The following GSE1 variants were observed in gnomAD, a reference collection of about 807,000 sequenced individuals.
GSE1 encodes genetic suppressor element 1.
A neutral mutation model predicts 112.6 loss-of-function variants in GSE1; 32 were observed. The observed-to-expected ratio is 0.28, with a 90% confidence interval of 0.21 to 0.38. The LOEUF (loss-of-function observed/expected upper bound fraction) is 0.38, where lower values mean the gene tolerates loss of function less well. Ranked by LOEUF, GSE1 falls within the 10% of genes least tolerant of loss-of-function variation. GSE1 has a pLI of 1.00. For missense variants in GSE1, 2,348 were observed against 1,699.2 expected (o/e 1.38, Z -6.71); for synonymous variants, 1,115 against 735.6 (o/e 1.52, Z -8.35).
chr16:85,382,139 C>T (rs1300896814), intron 2 of GSE1, among the ~76,000 whole-genome samples: 2 of 152,234 alleles, frequency 1.3e-5, no homozygotes, highest in African/African-American at 4.8e-5. Flanking sequence ...CACCCCCACG[C>T]AATGTGGTTA....
upstream of GSE1, among the ~76,000 whole-genome samples, chr16:85,553,387 G>A (rs2045030987): frequency 6.6e-6 from 1 of 151,662 alleles, no homozygotes; most frequent in Admixed American, 6.6e-5. Flanking sequence ...CGGCGCCGAG[G>A]GCCTGGCGCG....
intron 2 of GSE1, among the ~76,000 whole-genome samples, chr16:85,643,637 A>T (rs879525587): frequency 6.6e-6 from 1 of 152,208 alleles, no homozygotes; most frequent in Non-Finnish European, 1.5e-5. Context: ...GTCTGGAGCC[A>T]GGCAGCTCCA....
chr16:85,383,475 G>C (rs1274141736), intron 2 of GSE1, among the ~76,000 whole-genome samples: 1 of 147,848 alleles, frequency 6.8e-6, no homozygotes. Flanking sequence ...TCACACATTT[G>C]AACATACACG....
chr16:85,440,387 G>C (rs1178293452), intron 2 of GSE1, among the ~76,000 whole-genome samples: 1 of 152,248 alleles, frequency 6.6e-6, no homozygotes, highest in African/African-American at 2.4e-5. Context: ...GAGATAGCCA[G>C]CTGCTGGACT....
chr16:85,555,796 TG>T, upstream of GSE1: 1 of 973,326 alleles, frequency 1.0e-6, no homozygotes, highest in Non-Finnish European at 1.2e-6. Context: ...TCGCACGTCC[TG>T]GGGGCTGTTT....
At chr16:85,567,990 G>A (rs1445886364) in intron 1 of GSE1, among the ~76,000 whole-genome samples, 1 of 152,158 alleles carries the variant, frequency 6.6e-6, no homozygotes, top group Non-Finnish European at 1.5e-5. Context: ...TCCCAGTGGT[G>A]TTAGGATTAC....
intron 1 of GSE1, among the ~76,000 whole-genome samples, chr16:85,258,941 G>A (rs1374176125): frequency 6.6e-6 from 1 of 152,188 alleles, no homozygotes; most frequent in Non-Finnish European, 1.5e-5. Flanking sequence ...AGCTGTCAGG[G>A]GCCCACTGCT....
chr16:85,382,936 A>AC (rs2047587159), intron 2 of GSE1, among the ~76,000 whole-genome samples: 1 of 151,140 alleles, frequency 6.6e-6, no homozygotes, highest in Non-Finnish European at 1.5e-5. Flanking sequence ...ACGCGCACAC[A>AC]ACACGTACAC....
At chr16:85,556,068 G>A (rs1288799561) in exon 1 of GSE1, 7 of 984,906 alleles carry the variant, frequency 7.1e-6, no homozygotes, top group Non-Finnish European at 8.4e-6. Flanking sequence ...CCTCATTGTG[G>A]ATCTGCCAGG....
At chr16:85,289,260 G>A (rs901648815) in intron 1 of GSE1, among the ~76,000 whole-genome samples, 4 of 152,068 alleles carry the variant, frequency 2.6e-5, no homozygotes, top group African/African-American at 9.7e-5. Context: ...TCATCCTCCC[G>A]CCATTGGCCT....
chr16:85,409,340 GCC>G (rs1291306886), intron 2 of GSE1, among the ~76,000 whole-genome samples: 6 of 39,244 alleles, frequency 1.5e-4, no homozygotes, highest in African/African-American at 3.8e-4. Context: ...TACACTCAGG[GCC>G]CCCCTGGATA....
chr16:85,188,644 A>C (rs1237279719), intron 1 of GSE1, among the ~76,000 whole-genome samples: 2 of 151,888 alleles, frequency 1.3e-5, no homozygotes, highest in African/African-American at 4.8e-5. Flanking sequence ...TCTACAAAAA[A>C]ATTAAAAATT....
At position 85,663,682 on chromosome 16, in the gene GSE1, T is replaced by TG. The variant is rs2151971349; in HGVS notation, c.2644+72dup. 10 of 1,467,708 alleles carry TG rather than the reference T, an allele frequency of 6.8e-6. No homozygotes were observed. In the South Asian group the frequency reaches 1.1e-4, roughly 17 times the overall value. 90.9% of individuals were successfully genotyped at this position (1,467,708 alleles called of 1,614,324 possible). On this transcript the variant is annotated intron_variant, in intron 11 of 15. Transcript: ENST00000253458. Reference sequence around the variant, plus strand: ...GGAAGTGGGTTTCTGAAGCAGCAGGTGGGGCCGGTGGACTCCAGGCAGGAT... The same window carrying TG: ...GGAAGTGGGTTTCTGAAGCAGCAGGTGGGGGCCGGTGGACTCCAGGCAGGAT...
Position 85,430,940 on chromosome 16 carries a change from G to T in GSE1, c.2464+73297G>T, listed in dbSNP as rs530749441. Among the ~76,000 whole-genome samples the T allele has an allele frequency of 6.6e-5, 10 of 152,318 alleles. No individual in the cohort carries two copies. The East Asian group carries it at 1.9e-3, about 29-fold the overall frequency. On this transcript the variant is annotated intron_variant, in intron 2 of 2. Coordinates refer to the GSE1 transcript ENST00000637419. ...CACCCAGCTCCCAGGAGAGGCTGCC[G>T]CTGCTTAAGACTCTGCACTTTGAGA...
chr16:85,298,673 T>G (rs1309052125), intron 1 of GSE1, among the ~76,000 whole-genome samples: 1 of 152,212 alleles, frequency 6.6e-6, no homozygotes, highest in African/African-American at 2.4e-5. Context: ...GTGATCCACC[T>G]GCCTTGGCCT....
At chr16:85,657,255 T>A in intron 7 of GSE1, 22 bp from the exon 8 acceptor site, 5 of 1,504,130 alleles carry the variant, frequency 3.3e-6, no homozygotes, top group Non-Finnish European at 4.5e-6. Flanking sequence ...GAGATCCTGC[T>A]TGACCGTGTT....
chr16:85,296,211 G>A (rs949852852), intron 1 of GSE1, among the ~76,000 whole-genome samples: 3 of 152,138 alleles, frequency 2.0e-5, no homozygotes, highest in Non-Finnish European at 4.4e-5. Flanking sequence ...AACACTGCCC[G>A]TCCCTCCCCG....
At chr16:85,262,056 G>GGT (rs1205745246) in intron 1 of GSE1, among the ~76,000 whole-genome samples, 92 of 152,324 alleles carry the variant, frequency 6.0e-4, no homozygotes, top group African/African-American at 2.2e-3. Context: ...GCAAAGGACA[G>GGT]AGCCTGTTTT....
chr16:85,492,002 G>GCAC (rs1226028986), intron 2 of GSE1, among the ~76,000 whole-genome samples: 2 of 152,100 alleles, frequency 1.3e-5, no homozygotes, highest in South Asian at 2.1e-4. Context: ...GCTTACCTGG[G>GCAC]CACCACCACC....
Sources: allele counts gnomAD v4.1 joint callset (sites outside exome capture counted in the v4.1 genomes callset), GRCh38; gene constraint gnomAD v4.1.1; transcripts MANE v1.5; gene names NCBI Gene and HGNC (gene_info 2026-07-23, HGNC 2026-07-21).